AP1B1: variants seen among roughly 807,000 people sequenced by gnomAD.
The protein encoded by AP1B1 is adaptor related protein complex 1 subunit beta 1, also known as AP-1 complex subunit beta-1.
In AP1B1, 36 loss-of-function variants were observed where a neutral mutation model predicts 104.3. The observed-to-expected ratio is 0.35, with a 90% CI of 0.26 to 0.46. AP1B1 has a LOEUF of 0.46. AP1B1 is among the 20% of genes least tolerant of loss of function. The probability of loss-of-function intolerance (pLI) is 1.00; values close to 1 mark genes in which losing one functional copy is unlikely to be tolerated. For synonymous variants in AP1B1, 504 were observed against 517.5 expected (o/e 0.97, Z 0.35); for missense variants, 901 against 1,247.9 (o/e 0.72, Z 4.19).
intron 17 of AP1B1, 105 bp from the exon 18 acceptor site, chr22:29,332,021 C>A (rs572435810): frequency 1.6e-6 from 2 of 1,217,386 alleles, no homozygotes; most frequent in Non-Finnish European, 2.3e-6. Flanking sequence ...GGCAGGGAGC[C>A]TCTCACCGTG....
chr22:29,335,264 C>T (rs2061622031), intron 16 of AP1B1, among the ~76,000 whole-genome samples: 1 of 152,176 alleles, frequency 6.6e-6, no homozygotes, highest in African/African-American at 2.4e-5. Context: ...CAGGCGGTTA[C>T]TCTCCTGTGG....
At chr22:29,359,023 G>C in intron 4 of AP1B1, 52 bp from the exon 5 acceptor site, 2 of 1,537,602 alleles carry the variant, frequency 1.3e-6, no homozygotes, top group Non-Finnish European at 1.8e-6. Context: ...GCCATCTGTG[G>C]CTTCATATTC....
intron 5 of AP1B1, among the ~76,000 whole-genome samples, chr22:29,356,821 C>T (rs770659445): frequency 6.6e-6 from 1 of 152,184 alleles, no homozygotes; most frequent in Non-Finnish European, 1.5e-5. Context: ...AGTGTGCCTG[C>T]CATTTAGAAA....
chr22:29,382,663 T>C (rs2062456047), intron 1 of AP1B1, among the ~76,000 whole-genome samples: 1 of 152,052 alleles, frequency 6.6e-6, no homozygotes, highest in Non-Finnish European at 1.5e-5. Context: ...AGGGTGGCCA[T>C]AGAAGGCCTC....
intron 13 of AP1B1, 138 bp downstream of exon 13, chr22:29,341,363 A>C: frequency 9.0e-7 from 1 of 1,106,056 alleles, no homozygotes; most frequent in South Asian, 1.6e-5. Flanking sequence ...TGTGTACAAT[A>C]AATAGCTGAT....
At position 29,328,895 on chromosome 22, in the gene AP1B1, G is replaced by T; in HGVS notation, c.2776C>A (p.Leu926Met). 1 of 1,608,176 alleles carries T rather than the reference G, an allele frequency of 6.2e-7. No individual in the cohort carries two copies. The highest frequency in any genetic ancestry group is 1.1e-5 in the South Asian group (1 of 89,562). Residue 926 changes from leucine to methionine, a missense_variant and splice_region_variant, in exon 23 of 23, where the codon CTG (leucine) becomes ATG (methionine). Physicochemically the swap from Leu to Met is conservative, Grantham distance 15. This residue lies in a region of AP1B1 where 424 missense variants were observed against 494.0 expected (regional missense o/e 0.86). Transcript: ENST00000357586. This position sits in a 1 kb window ranked among gnomAD's most constrained non-coding sequence, Gnocchi z 4.1. ...TCTGGTGCTCGACACTTCAGGGACA[G>T]CTGCAGGGGAGAGAGGGGTCGGGGG... ...PGNPSCTDLE[L>M]SLKCRAPEVS...
chr22:29,386,436 T>C (rs1027952373), intron 1 of AP1B1, among the ~76,000 whole-genome samples: 3 of 152,182 alleles, frequency 2.0e-5, no homozygotes, highest in Admixed American at 6.5e-5. Flanking sequence ...CTTTGAGACC[T>C]ACTGAAGATG....
chr22:29,339,867 GA>G, intron 14 of AP1B1, 93 bp from the exon 15 acceptor site: 1 of 1,358,650 alleles, frequency 7.4e-7, no homozygotes, highest in Non-Finnish European at 1.0e-6. Context: ...AGAGAGAAGG[GA>G]AAGAGGGAGA....
rs762536156 is a variant in AP1B1 at position 29,339,768 on chromosome 22, C to A, written c.2005G>T (p.Asp669Tyr). The A allele has an allele frequency of 6.2e-7, 1 of 1,608,250 alleles. No individual in the cohort carries two copies. Among genetic ancestry groups the A allele is most frequent in the East Asian group, 2.2e-5 (1 of 44,528 alleles). Reference sequence around the variant, plus strand: ...TTGAACCATACCCCTTCAGGCTCATCCCCCATCTCCAAGCAGAAGCAGGCA... The same window carrying A: ...TTGAACCATACCCCTTCAGGCTCATACCCCATCTCCAAGCAGAAGCAGGCA... ...LGGGLDSLMG[D>Y]EPEGIGGTNF... Residue 669 changes from aspartate (D) to tyrosine (Y), a missense_variant, in exon 15 of 23, where the codon GAT (aspartate) becomes TAT (tyrosine). This residue lies in a region of AP1B1 where 424 missense variants were observed against 494.0 expected (regional missense o/e 0.86). Transcript: ENST00000357586.
intron 16 of AP1B1, among the ~76,000 whole-genome samples, chr22:29,338,473 A>G (rs1180197080): frequency 6.6e-6 from 1 of 152,206 alleles, no homozygotes; most frequent in African/African-American, 2.4e-5. Flanking sequence ...CGTTTATAAC[A>G]TTGATACATA....
At chr22:29,341,929 C>G (rs1040392392) in intron 12 of AP1B1, among the ~76,000 whole-genome samples, 169 bp from the exon 13 acceptor site, 1 of 152,214 alleles carries the variant, frequency 6.6e-6, no homozygotes, top group Admixed American at 6.5e-5. Context: ...CATGCCCTGG[C>G]CCCGGGCTCA....
intron 1 of AP1B1, among the ~76,000 whole-genome samples, chr22:29,387,610 G>C (rs1191399833): frequency 2.0e-5 from 3 of 152,082 alleles, no homozygotes; most frequent in African/African-American, 7.2e-5. Flanking sequence ...CTGGCTAAAA[G>C]TCTTAAATAT....
intron 4 of AP1B1, 53 bp downstream of exon 4, chr22:29,359,771 G>T (rs1382929974): frequency 3.8e-6 from 6 of 1,572,482 alleles, no homozygotes; most frequent in Non-Finnish European, 5.2e-6. Flanking sequence ...AGACTGAGGG[G>T]AGACAGAGCC....
In AP1B1 at chr22:29,334,418, G is replaced by A. The variant is rs775761249; in HGVS notation, c.2164-8C>T. 15 of 1,600,042 alleles carry A rather than the reference G, an allele frequency of 9.4e-6. No homozygotes were observed. The Admixed American group carries it at 2.1e-4, about 23-fold the overall frequency. On this transcript the variant is annotated splice_region_variant and splice_polypyrimidine_tract_variant and intron_variant, in intron 16 of 22. Coordinates refer to ENST00000357586, the MANE Select transcript of AP1B1 (RefSeq NM_001127.4). ...CATGGCTGGGAGCCAGACCTGCAGGGAAGAGGGTGCGGAGGGGGCGGGTAG... is the reference window on the plus strand; with the variant it reads ...CATGGCTGGGAGCCAGACCTGCAGGAAAGAGGGTGCGGAGGGGGCGGGTAG...
chr22:29,346,956 G>A (rs1292891482), intron 11 of AP1B1, among the ~76,000 whole-genome samples: 1 of 152,170 alleles, frequency 6.6e-6, no homozygotes, highest in Non-Finnish European at 1.5e-5. Context: ...AACTGGGATC[G>A]GTGCCTGAGA....
intron 1 of AP1B1, among the ~76,000 whole-genome samples, chr22:29,373,778 T>C (rs2062283336): frequency 6.6e-6 from 1 of 151,774 alleles, no homozygotes; most frequent in Non-Finnish European, 1.5e-5. Context: ...AGTGGGCACC[T>C]GTAATCCCAG....
chr22:29,357,240 G>T (rs1569159805), intron 5 of AP1B1, among the ~76,000 whole-genome samples: 2 of 151,574 alleles, frequency 1.3e-5, no homozygotes, highest in African/African-American at 4.9e-5. Flanking sequence ...GCTGATTTTT[G>T]TATTTTTAGT....
At chr22:29,386,239 T>C (rs1428214279) in intron 1 of AP1B1, among the ~76,000 whole-genome samples, 1 of 152,202 alleles carries the variant, frequency 6.6e-6, no homozygotes, top group Non-Finnish European at 1.5e-5. Flanking sequence ...GGCCAGCCTA[T>C]GTCAACGGTC....
intron 11 of AP1B1, among the ~76,000 whole-genome samples, chr22:29,343,701 T>C (rs2147962653): frequency 6.6e-6 from 1 of 152,352 alleles, no homozygotes; most frequent in Middle Eastern, 3.4e-3. Flanking sequence ...TCCAGTTCTA[T>C]CACTTCTCAG....
Sources: gnomAD v4.1 joint callset for allele counts (sites outside exome capture counted in the v4.1 genomes callset) on GRCh38, gnomAD v4.1.1 for gene constraint, gnomAD v4.1.1 regional missense constraint, Gnocchi (gnomAD v3.1) non-coding constraint, MANE v1.5 for transcripts, NCBI Gene and HGNC (gene_info 2026-07-23, HGNC 2026-07-21) for gene names.